Variants in FGF12 observed in about 807,000 individuals in gnomAD.
FGF12 encodes the protein fibroblast growth factor 12B.
A neutral mutation model predicts 23.6 loss-of-function variants in FGF12; 14 were observed. The ratio of observed to expected loss-of-function variants is 0.59; its 90% CI spans 0.39 to 0.93. The LOEUF (loss-of-function observed/expected upper bound fraction) is 0.93, where lower values mean the gene tolerates loss of function less well. Among genes scored for constraint, FGF12 ranks in the 40% least tolerant of loss-of-function variants. FGF12 has a pLI of 0.00. For missense variants in FGF12, 175 were observed against 217.8 expected (o/e 0.80, Z 1.24); for synonymous variants, 62 against 77.3 (o/e 0.80, Z 1.04).
intron 4 of FGF12, among the ~76,000 whole-genome samples, chr3:192,275,420 A>G (rs1713720617): frequency 1.3e-5 from 2 of 152,192 alleles, no homozygotes; most frequent in Admixed American, 6.5e-5. Flanking sequence ...TTGTAAAACC[A>G]AACTCTGTTC....
Position 192,279,230 on chromosome 3 carries a change from G to GTATA in FGF12, c.228+56127_228+56130dup, listed in dbSNP as rs59504943. On this transcript the variant is annotated intron_variant, in intron 4 of 5. Transcript: ENST00000445105. ...TAAGTCATGCTTGGTTAATGTATGA[G>GTATA]TATATATATATATATATATATATAA... 4.3e-3 allele frequency among the ~76,000 whole-genome samples: 562 copies of GTATA among 131,948 alleles called. 17 individuals are homozygous for GTATA. Among genetic ancestry groups the GTATA allele is most frequent in the African/African-American group, 8.8e-3 (287 of 32,476 alleles). 86.6% of individuals were successfully genotyped at this position (131,948 alleles called of 152,430 possible). A position where few individuals can be genotyped will look rare whatever the true frequency, so the allele number is the denominator to read the frequency against.
rs1715597505 is a variant in FGF12, at chr3:192,305,683, T to TATATATATATAA, written c.228+29677_228+29678insTTATATATATAT. On this transcript the variant is annotated intron_variant, in intron 4 of 5. Transcript: ENST00000445105. The stretch of plus-strand genomic sequence containing the variant: ...TGGCTTAGGAAAAAAAAAAAAAATA[T>TATATATATATAA]ATATATATATATAAATATATATAAA... Among the ~76,000 whole-genome samples the TATATATATATAA allele has an allele frequency of 8.2e-5, 11 of 134,478 alleles. No homozygotes were observed. In the South Asian group the frequency reaches 2.7e-3, roughly 33 times the overall value. 88.2% of individuals were successfully genotyped at this position (134,478 alleles called of 152,430 possible). A position where few individuals can be genotyped will look rare whatever the true frequency, so the allele number is the denominator to read the frequency against.
chr3:192,727,445 G>T, intron 1 of FGF12, 39 bp downstream of exon 1: 1 of 985,272 alleles, frequency 1.0e-6, no homozygotes, highest in Non-Finnish European at 1.4e-6. Context: ...TGAAATGCAT[G>T]CACAGTGCCC....
At chr3:192,333,985 A>C (rs922957034) in intron 4 of FGF12, among the ~76,000 whole-genome samples, 2 of 152,066 alleles carry the variant, frequency 1.3e-5, no homozygotes, top group African/African-American at 4.8e-5. Flanking sequence ...AGCTGGGACA[A>C]AGTCTTTTGG....
intron 2 of FGF12, among the ~76,000 whole-genome samples, chr3:192,606,063 T>C (rs549190654): frequency 3.5e-4 from 54 of 152,272 alleles, no homozygotes; most frequent in African/African-American, 1.2e-3. Context: ...AAAAGACCCA[T>C]GCACTCATAT....
chr3:192,340,433 T>C (rs1419315830), intron 3 of FGF12, among the ~76,000 whole-genome samples: 1 of 152,156 alleles, frequency 6.6e-6, no homozygotes, highest in East Asian at 1.9e-4. Context: ...TGCAGGGTAG[T>C]ATATATTCTG....
intron 2 of FGF12, among the ~76,000 whole-genome samples, chr3:192,393,200 A>C (rs1018574377): frequency 9.2e-5 from 14 of 152,326 alleles, no homozygotes; most frequent in African/African-American, 3.4e-4. Flanking sequence ...CGTGTCAAGC[A>C]ATATGCTAGG....
chr3:192,155,019 C>G (rs111260476), intron 5 of FGF12, among the ~76,000 whole-genome samples: 1 of 143,418 alleles, frequency 7.0e-6, no homozygotes, highest in Non-Finnish European at 1.5e-5. Flanking sequence ...TCTCGTGGTG[C>G]GCCGTTTTTT....
chr3:192,675,111 G>C (rs190274641), intron 2 of FGF12, among the ~76,000 whole-genome samples: 30 of 152,234 alleles, frequency 2.0e-4, no homozygotes, highest in Admixed American at 9.2e-4. Flanking sequence ...ACAGTCTTAG[G>C]GATAGAGTAA....
At chr3:192,210,159 G>C (rs1183080163) in intron 4 of FGF12, among the ~76,000 whole-genome samples, 3 of 152,146 alleles carry the variant, frequency 2.0e-5, no homozygotes, top group South Asian at 2.1e-4. Flanking sequence ...CATTGCCCCA[G>C]AAGGAAATGT....
chr3:192,328,543 G>T (rs1195784174), intron 4 of FGF12, among the ~76,000 whole-genome samples: 1 of 152,116 alleles, frequency 6.6e-6, no homozygotes, highest in African/African-American at 2.4e-5. Context: ...CCTGCTTTAG[G>T]TATTTCTTCC....
chr3:192,249,882 A>G (rs1470297950), intron 4 of FGF12, among the ~76,000 whole-genome samples: 1 of 152,182 alleles, frequency 6.6e-6, no homozygotes, highest in East Asian at 1.9e-4. Flanking sequence ...GCTCCTTTCA[A>G]GCAGTTTGCA....
chr3:192,640,293 A>T (rs1430440050), intron 2 of FGF12, among the ~76,000 whole-genome samples: 2 of 152,228 alleles, frequency 1.3e-5, no homozygotes, highest in East Asian at 3.8e-4. Flanking sequence ...GTTACTATCT[A>T]TATGTATCCA....
At position 192,655,262 on chromosome 3, in the gene FGF12, C is replaced by T. The variant is rs545409535; in HGVS notation, c.13+71919G>A. Among the ~76,000 whole-genome samples, 7 of 152,272 alleles carry T rather than the reference C, an allele frequency of 4.6e-5. No individual in the cohort carries two copies. In the South Asian group the frequency reaches 1.2e-3, roughly 27 times the overall value. ...GCAACAATGTGCCCAGCTACATATC[C>T]TAGCCACCCTTGTAGATAGGTGTTA... is the stretch of plus-strand genomic sequence containing the variant. On this transcript the variant is annotated intron_variant, in intron 2 of 5. Transcript: ENST00000445105.
chr3:192,327,529 TA>T (rs1201033087), intron 4 of FGF12, among the ~76,000 whole-genome samples: 1 of 150,426 alleles, frequency 6.6e-6, no homozygotes, highest in African/African-American at 2.4e-5. Flanking sequence ...TCTAAGTTTA[TA>T]AAAAGTAAAC....
intron 4 of FGF12, among the ~76,000 whole-genome samples, chr3:192,200,054 C>T (rs892044776): frequency 5.5e-4 from 83 of 152,024 alleles, no homozygotes; most frequent in African/African-American, 1.8e-3. Context: ...CAGTGGCTCA[C>T]TCCTGTAATC....
intron 4 of FGF12, among the ~76,000 whole-genome samples, chr3:192,266,001 A>G (rs1713055337): frequency 1.3e-5 from 2 of 152,184 alleles, no homozygotes; most frequent in African/African-American, 4.8e-5. Context: ...CATTTAGCAG[A>G]CTGTTTTGCA....
chr3:192,178,923 C>T (rs1716012459), intron 4 of FGF12, among the ~76,000 whole-genome samples: 1 of 152,216 alleles, frequency 6.6e-6, no homozygotes, highest in African/African-American at 2.4e-5. Flanking sequence ...TTATATCCAA[C>T]AACTCCAGAG....
chr3:192,364,615 C>T (rs971902487), intron 2 of FGF12, among the ~76,000 whole-genome samples: 40 of 152,284 alleles, frequency 2.6e-4, no homozygotes, highest in African/African-American at 9.6e-4. Context: ...AGCAAACATT[C>T]TCCTCCACAC....
Sources: allele counts gnomAD v4.1 joint callset (sites outside exome capture counted in the v4.1 genomes callset), GRCh38; gene constraint gnomAD v4.1.1; transcripts MANE v1.5; gene names NCBI Gene and HGNC (gene_info 2026-07-23, HGNC 2026-07-21).